The following SIPA1L2 variants were observed in gnomAD, a reference collection of about 807,000 sequenced individuals.
The protein encoded by SIPA1L2 is signal-induced proliferation-associated 1-like protein 2.
In SIPA1L2, 56 loss-of-function variants were observed where a neutral mutation model predicts 163.9. That is an observed-to-expected ratio of 0.34 (90% confidence interval 0.28 to 0.43). The LOEUF (loss-of-function observed/expected upper bound fraction) is 0.43, where lower values mean the gene tolerates loss of function less well. Among genes scored for constraint, SIPA1L2 ranks in the 20% least tolerant of loss-of-function variants. SIPA1L2 has a pLI of 1.00. For synonymous variants in SIPA1L2, 877 were observed against 865.7 expected, an observed-to-expected ratio of 1.01 and a Z score of -0.23; for missense variants, 1,974 against 2,193.5, an observed-to-expected ratio of 0.90 and a Z score of 2.00.
At chr1:232,604,414 A>ATACC (rs1661779091) in intron 1 of SIPA1L2, among the ~76,000 whole-genome samples, 1 of 152,216 alleles carries the variant, frequency 6.6e-6, no homozygotes, top group Non-Finnish European at 1.5e-5. Flanking sequence ...TAACGCAGAA[A>ATACC]AGTAACTATA....
chr1:232,613,019 C>T (rs944854723), intron 1 of SIPA1L2, among the ~76,000 whole-genome samples: 9 of 152,142 alleles, frequency 5.9e-5, no homozygotes, highest in Non-Finnish European at 1.3e-4. Flanking sequence ...ATAAGTCTCA[C>T]GAGATCTGAT....
intron 1 of SIPA1L2, among the ~76,000 whole-genome samples, chr1:232,619,538 G>C (rs145836540): frequency 7.9e-5 from 12 of 152,288 alleles, no homozygotes; most frequent in African/African-American, 2.9e-4. Context: ...ACATCAGGAA[G>C]TTTAACTAGA....
intron 2 of SIPA1L2, among the ~76,000 whole-genome samples, chr1:232,567,383 A>T (rs1238851547): frequency 6.6e-6 from 1 of 152,238 alleles, no homozygotes; most frequent in East Asian, 1.9e-4. Flanking sequence ...TTGTGTGATC[A>T]AGTTGATCAG....
At chr1:232,484,562 C>T (rs781207326) in intron 5 of SIPA1L2, among the ~76,000 whole-genome samples, 1 of 152,138 alleles carries the variant, frequency 6.6e-6, no homozygotes, top group Non-Finnish European at 1.5e-5. Context: ...CTTACGATTA[C>T]ATTCATTTGT....
At chr1:232,403,969 C>T (rs912016353) in intron 20 of SIPA1L2, among the ~76,000 whole-genome samples, 156 bp downstream of exon 20, 6 of 152,176 alleles carry the variant, frequency 3.9e-5, no homozygotes, top group African/African-American at 9.7e-5. Context: ...TCCCCAAACC[C>T]GGAGAAGGTT....
intron 1 of SIPA1L2, among the ~76,000 whole-genome samples, chr1:232,601,946 A>C (rs1661616511): frequency 1.3e-5 from 2 of 152,234 alleles, no homozygotes. Context: ...ATGTCACCTT[A>C]CAAGCATGTG....
At chr1:232,592,982 G>A (rs142681107) in intron 1 of SIPA1L2, among the ~76,000 whole-genome samples, 1 of 152,244 alleles carries the variant, frequency 6.6e-6, no homozygotes, top group African/African-American at 2.4e-5. Flanking sequence ...TAATAGTGGT[G>A]CAGGTGCTGG....
In SIPA1L2 at chr1:232,513,960, C is replaced by A. The variant is rs201383131; in HGVS notation, c.1380G>T (p.Val460=). 3.7e-6 allele frequency: 6 copies of A among 1,614,184 alleles called. No individual in the cohort carries two copies. The Admixed American group carries it at 1.0e-4, about 27-fold the overall frequency. The part of the protein sequence containing the change: ...CTNAGVSVLE[V]PRENQPIHRE... ...TGTGAATAGGCTGGTTTTCTCTGGGCACTTCCAAGACGGAGACACCTGCAT... is the reference window on the plus strand; with the variant it reads ...TGTGAATAGGCTGGTTTTCTCTGGGAACTTCCAAGACGGAGACACCTGCAT... The change falls in exon 3 of 23, where the codon GTG becomes GTT. Residue 460 remains valine (V), a synonymous_variant. Transcript: ENST00000674635.
At chr1:232,507,272 T>G (rs1363412131) in intron 3 of SIPA1L2, among the ~76,000 whole-genome samples, 2 of 152,122 alleles carry the variant, frequency 1.3e-5, no homozygotes. Context: ...ATTTGGAATT[T>G]TTCTAATGTT....
rs1664795661 is a variant in SIPA1L2 at position 232,471,424 on chromosome 1, A to G, written c.2190T>C (p.His730=). The G allele has an allele frequency of 6.2e-7, 1 of 1,614,156 alleles. No individual in the cohort carries two copies. Among genetic ancestry groups the G allele is most frequent in the African/African-American group, 1.3e-5 (1 of 75,068 alleles). ...TPKSIRSHFQ[H]VFVIVKVHNP... ...TATGCACTTTGACTATGACAAAGAC[A>G]TGCTGAAAGTGAGACCGGATGCTTT... The change falls in exon 8 of 23, where the codon CAT becomes CAC. Residue 730 remains histidine, a synonymous_variant. Transcript: ENST00000674635.
chr1:232,469,676 A>G (rs1664700699), intron 8 of SIPA1L2, among the ~76,000 whole-genome samples: 1 of 152,170 alleles, frequency 6.6e-6, no homozygotes, highest in Admixed American at 6.5e-5. Context: ...TGATTGGCAT[A>G]TGGTATCTTT....
At chr1:232,473,964 T>C (rs1014148828) in intron 7 of SIPA1L2, among the ~76,000 whole-genome samples, 9 of 152,232 alleles carry the variant, frequency 5.9e-5, no homozygotes, top group Non-Finnish European at 5.9e-5. Flanking sequence ...TAGGACTTTG[T>C]CAAACATGAA....
rs2103046701 is a variant in SIPA1L2, at chr1:232,515,007, A to C, written c.333T>G (p.Thr111=). Residue 111 remains threonine, a synonymous_variant, in exon 3 of 23, where the codon ACT becomes ACG. Coordinates refer to ENST00000674635, the MANE Select transcript of SIPA1L2 (RefSeq NM_020808.5). ...SRSQTSYESI[T]SVLQNGQSDQ... The stretch of plus-strand genomic sequence containing the variant: ...CACTCTGCCCATTCTGCAGGACAGA[A>C]GTGATGCTTTCATAACTGGTCTGAG... The C allele has an allele frequency of 6.2e-7, 1 of 1,614,146 alleles. No homozygotes were observed. Among genetic ancestry groups the C allele is most frequent in the South Asian group, 1.1e-5 (1 of 91,084 alleles).
At chr1:232,609,733 G>C (rs544441225) in intron 1 of SIPA1L2, among the ~76,000 whole-genome samples, 1 of 151,348 alleles carries the variant, frequency 6.6e-6, no homozygotes, top group Non-Finnish European at 1.5e-5. Context: ...GGGAGGCTGA[G>C]GCAGGAGAAT....
intron 5 of SIPA1L2, among the ~76,000 whole-genome samples, chr1:232,489,407 T>C (rs929182528): frequency 2.6e-5 from 4 of 152,220 alleles, no homozygotes; most frequent in Non-Finnish European, 5.9e-5. Flanking sequence ...GAACATTTCA[T>C]ATATTCCACA....
In SIPA1L2 at chr1:232,493,664, T is replaced by C; in HGVS notation, c.1484-4A>G. 1 of 1,613,894 alleles carries C rather than the reference T, an allele frequency of 6.2e-7. No individual in the cohort carries two copies. The highest frequency in any genetic ancestry group is 8.5e-7 in the Non-Finnish European group (1 of 1,179,936). On this transcript the variant is annotated splice_region_variant and splice_polypyrimidine_tract_variant and intron_variant, in intron 3 of 22. Transcript: ENST00000674635. ...ATTCCAAAGTAGTTTTGGTGCTCTA[T>C]AATGGAAGAGAGAGGGTGGCATCAA...
intron 2 of SIPA1L2, among the ~76,000 whole-genome samples, chr1:232,540,404 C>T (rs1657582568): frequency 6.6e-6 from 1 of 152,176 alleles, no homozygotes; most frequent in Admixed American, 6.5e-5. Flanking sequence ...ATTCATTTCA[C>T]TGAGCCAGCC....
At chr1:232,490,382 C>T (rs139149392) in intron 5 of SIPA1L2, among the ~76,000 whole-genome samples, 113 of 152,310 alleles carry the variant, frequency 7.4e-4, no homozygotes, top group African/African-American at 2.7e-3. Context: ...AGATCTCTTA[C>T]CAGATTCTGC....
chr1:232,574,062 T>C (rs1027046381), intron 2 of SIPA1L2, among the ~76,000 whole-genome samples, 112 bp downstream of exon 2: 1 of 151,934 alleles, frequency 6.6e-6, no homozygotes, highest in Non-Finnish European at 1.5e-5. Context: ...ATACACTCTA[T>C]CAGCCTAGGG....
Sources: allele counts gnomAD v4.1 joint callset (sites outside exome capture counted in the v4.1 genomes callset), GRCh38; gene constraint gnomAD v4.1.1; transcripts MANE v1.5; gene names NCBI Gene and HGNC (gene_info 2026-07-23, HGNC 2026-07-21).